DCT: variants seen among roughly 807,000 people sequenced by gnomAD.
The protein encoded by DCT is dopachrome tautomerase, also known as L-dopachrome tautomerase.
In DCT, 47 loss-of-function variants were observed where a neutral mutation model predicts 53.0. That is an observed-to-expected ratio of 0.89 (90% CI 0.70 to 1.13). The LOEUF is 1.13. Ranked by LOEUF, DCT falls within the 50% of genes most tolerant of loss-of-function variation. DCT has a pLI of 0.00. For synonymous variants in DCT, 244 were observed against 237.0 expected, an observed-to-expected ratio of 1.03 and a Z score of -0.27; for missense variants, 669 against 637.4, an observed-to-expected ratio of 1.05 and a Z score of -0.53.
At chr13:94,509,502 A>AT in the DCT span, among the ~76,000 whole-genome samples, 1 of 151,852 alleles carries the variant, frequency 6.6e-6, no homozygotes, top group Non-Finnish European at 1.5e-5. Flanking sequence ...CCAGTGTGTG[A>AT]TTTTCAGCCT....
chr13:94,494,241 T>C, the DCT span, among the ~76,000 whole-genome samples: 1 of 152,106 alleles, frequency 6.6e-6, no homozygotes, highest in African/African-American at 2.4e-5. Flanking sequence ...GTGCTTGGCC[T>C]CCCCGATCCT....
chr13:94,512,139 C>T, the DCT span, among the ~76,000 whole-genome samples: 1 of 152,100 alleles, frequency 6.6e-6, no homozygotes, highest in African/African-American at 2.4e-5. Flanking sequence ...GTACTGGATA[C>T]AGCATAATAA....
upstream of DCT, among the ~76,000 whole-genome samples, chr13:94,484,000 T>A (rs1885558683): frequency 6.6e-6 from 1 of 152,198 alleles, no homozygotes; most frequent in Non-Finnish European, 1.5e-5. Flanking sequence ...TTTGTCTACA[T>A]CCACTCAGGC....
At chr13:94,488,989 T>C in the DCT span, among the ~76,000 whole-genome samples, 1 of 152,084 alleles carries the variant, frequency 6.6e-6, no homozygotes, top group Non-Finnish European at 1.5e-5. Flanking sequence ...AGGGAGTATG[T>C]CTGTGTCTGT....
chr13:94,505,568 A>T, the DCT span, among the ~76,000 whole-genome samples: 6 of 152,208 alleles, frequency 3.9e-5, no homozygotes, highest in Admixed American at 6.5e-5. Context: ...CCATGGGAGC[A>T]TATTTTCCTT....
the DCT span, among the ~76,000 whole-genome samples, chr13:94,532,294 C>T: frequency 1.3e-5 from 2 of 152,110 alleles, no homozygotes; most frequent in African/African-American, 4.8e-5. Flanking sequence ...GGGTATATAC[C>T]CAGAGGATTA....
upstream of DCT, among the ~76,000 whole-genome samples, chr13:94,483,707 G>A (rs1885542637): frequency 6.6e-6 from 1 of 152,016 alleles, no homozygotes. Flanking sequence ...TCACCATGTT[G>A]GCCAGGCCGG....
chr13:94,506,427 GC>G, the DCT span, among the ~76,000 whole-genome samples: 1 of 152,092 alleles, frequency 6.6e-6, no homozygotes, highest in African/African-American at 2.4e-5. Flanking sequence ...AACTTGAAGA[GC>G]CCCCAGTGGT....
At chr13:94,485,125 T>TG in the DCT span, among the ~76,000 whole-genome samples, 1 of 6,570 alleles carries the variant, frequency 1.5e-4, no homozygotes, top group Non-Finnish European at 2.8e-4. Context: ...GGCACTCTGC[T>TG]GGGGGGCGGT....
chr13:94,459,285 A>C lies in DCT; in HGVS notation c.1179+806T>G, dbSNP rs1240204384. Among the ~76,000 whole-genome samples the C allele has an allele frequency of 4.6e-5, 7 of 152,338 alleles. No individual in the cohort carries two copies. The East Asian group carries it at 1.3e-3, about 29-fold the overall frequency. Reference sequence around the variant, plus strand: ...GTGAGGCTCCTGCACAGTCAACAGCAATCCTATTTACTGTCTGTATTATTA... The same window carrying C: ...GTGAGGCTCCTGCACAGTCAACAGCCATCCTATTTACTGTCTGTATTATTA... On this transcript the variant is annotated intron_variant, in intron 6 of 7. Coordinates refer to ENST00000377028, the MANE Select transcript of DCT (RefSeq NM_001922.5).
At chr13:94,452,756 A>T in intron 6 of DCT, 3 of 561,418 alleles carry the variant, frequency 5.3e-6, no homozygotes, top group Non-Finnish European at 6.2e-6. Context: ...AATACTATAC[A>T]GCTATAAAAA....
At chr13:94,508,467 G>A in the DCT span, among the ~76,000 whole-genome samples, 4 of 152,258 alleles carry the variant, frequency 2.6e-5, no homozygotes, top group East Asian at 3.9e-4. Context: ...TGGGGAAAGG[G>A]GAGTAGGCAT....
chr13:94,472,509 TATACATAC>T (rs566982525), intron 1 of DCT, among the ~76,000 whole-genome samples: 20 of 45,928 alleles, frequency 4.4e-4, no homozygotes, highest in Non-Finnish European at 7.7e-4. Flanking sequence ...GAGTTAAATA[TATACATAC>T]ATACATATAT....
the DCT span, among the ~76,000 whole-genome samples, chr13:94,494,895 G>C: frequency 6.6e-6 from 1 of 152,080 alleles, no homozygotes; most frequent in African/African-American, 2.4e-5. Context: ...AAGGGTTATA[G>C]AATACTCATT....
the DCT span, among the ~76,000 whole-genome samples, chr13:94,537,497 G>A: frequency 6.6e-6 from 1 of 152,166 alleles, no homozygotes. Context: ...ACTTGTCTCT[G>A]TCTCTGTTAG....
the DCT span, among the ~76,000 whole-genome samples, chr13:94,530,553 A>T: frequency 6.6e-6 from 1 of 152,206 alleles, no homozygotes; most frequent in African/African-American, 2.4e-5. Context: ...TGATTATCTC[A>T]ATAGATGCAG....
chr13:94,475,199 TG>T (rs1436026130), intron 1 of DCT, among the ~76,000 whole-genome samples: 1 of 152,164 alleles, frequency 6.6e-6, no homozygotes, highest in Non-Finnish European at 1.5e-5. Context: ...CATCACAGAA[TG>T]GTAATTATGA....
chr13:94,476,516 G>A (rs1465590343), intron 1 of DCT, among the ~76,000 whole-genome samples: 8 of 125,680 alleles, frequency 6.4e-5, no homozygotes, highest in Non-Finnish European at 9.5e-5. Context: ...CTCTATTGTT[G>A]CCCAGGCTGC....
chr13:94,516,453 A>G, the DCT span, among the ~76,000 whole-genome samples: 2 of 152,156 alleles, frequency 1.3e-5, no homozygotes, highest in Admixed American at 1.3e-4. Context: ...GGTTTGTCTC[A>G]TTTGCAATGG....
Sources: gnomAD v4.1 joint callset for allele counts (sites outside exome capture counted in the v4.1 genomes callset) on GRCh38, gnomAD v4.1.1 for gene constraint, MANE v1.5 for transcripts, NCBI Gene and HGNC (gene_info 2026-07-23, HGNC 2026-07-21) for gene names.